RTKN2: variants seen among roughly 807,000 people sequenced by gnomAD.
RTKN2 encodes the protein rhotekin 2.
RTKN2 carries 69 observed loss-of-function variants against 71.5 expected under a neutral mutation model. The observed-to-expected ratio is 0.96, with a 90% CI of 0.79 to 1.18. The LOEUF is 1.18. Ranked by LOEUF, RTKN2 falls within the 50% of genes most tolerant of loss-of-function variation. The pLI, the probability that RTKN2 is intolerant of heterozygous loss-of-function variation, is 0.00. For missense variants in RTKN2, 724 were observed against 719.7 expected (o/e 1.01, Z -0.07); for synonymous variants, 236 against 236.5 (o/e 1.00, Z 0.02).
chr10:62,207,399 C>G (rs1321907890), intron 9 of RTKN2, among the ~76,000 whole-genome samples: 1 of 152,056 alleles, frequency 6.6e-6, no homozygotes, highest in Non-Finnish European at 1.5e-5. Flanking sequence ...TATATGTTAT[C>G]ATCCAAAATA....
chr10:62,207,619 T>G (rs1196841818), intron 9 of RTKN2, among the ~76,000 whole-genome samples: 2 of 152,090 alleles, frequency 1.3e-5, no homozygotes, highest in Admixed American at 1.3e-4. Flanking sequence ...TATGGGCTTA[T>G]GTGTTTATAT....
In RTKN2 at chr10:62,216,694, A is replaced by G. The variant is rs992791471; in HGVS notation, c.1020+424T>C. The stretch of plus-strand genomic sequence containing the variant: ...CTTTTCTGTTCTGTCAGAAGACTGG[A>G]CAATTGCCTATCAATCCCATAAGAA... On this transcript the variant is annotated intron_variant, in intron 9 of 11. Coordinates refer to ENST00000373789, the MANE Select transcript of RTKN2 (RefSeq NM_145307.4). Among the ~76,000 whole-genome samples the G allele has an allele frequency of 5.9e-5, 9 of 152,234 alleles. No individual in the cohort carries two copies. The East Asian group carries it at 1.5e-3, about 26-fold the overall frequency.
In RTKN2 at chr10:62,195,053, A is replaced by G. The variant is rs61850824; in HGVS notation, c.*2855T>C. On this transcript the variant is annotated 3_prime_UTR_variant, in exon 12 of 12. Transcript: ENST00000373789. ...AAAATGCCTTCTTTGCCCTTGCAAG[A>G]TATTAAAATACAAAAGTTACCACTT... The G allele has an allele frequency of 2.0e-6, 2 of 983,114 alleles. No individual in the cohort carries two copies. The highest frequency in any genetic ancestry group is 2.4e-6 in the Non-Finnish European group (2 of 827,996). 60.9% of individuals were successfully genotyped at this position (983,114 alleles called of 1,614,324 possible). A position where few individuals can be genotyped will look rare whatever the true frequency, so the allele number is the denominator to read the frequency against.
chr10:62,250,164 T>C (rs1842552686), intron 2 of RTKN2, among the ~76,000 whole-genome samples: 1 of 152,156 alleles, frequency 6.6e-6, no homozygotes, highest in Non-Finnish European at 1.5e-5. Flanking sequence ...ACAAGCAATA[T>C]CAACTTGGGA....
intron 9 of RTKN2, among the ~76,000 whole-genome samples, 159 bp from the exon 10 acceptor site, chr10:62,205,181 T>A (rs1284628992): frequency 1.3e-5 from 2 of 152,210 alleles, no homozygotes; most frequent in African/African-American, 4.8e-5. Flanking sequence ...GAATTTTTTA[T>A]ATTCAAACTC....
In RTKN2 at chr10:62,218,231, C is replaced by T. The variant is rs1308855603; in HGVS notation, c.852G>A (p.Met284Ile). Reference protein sequence around the residue: ...CCRLVAQPACMAEDAFAGFLN... With the variant: ...CCRLVAQPACIAEDAFAGFLN... ...GAAATCCTGCAAATGCATCCTCAGC[C>T]ATACAAGCTGGCTGGGCAACTAGTC... Residue 284 changes from methionine (M) to isoleucine (I), a missense_variant, in exon 8 of 12, where the codon ATG becomes ATA. Coordinates refer to ENST00000373789, the MANE Select transcript of RTKN2 (RefSeq NM_145307.4). 7 of 1,613,264 alleles carry T rather than the reference C, an allele frequency of 4.3e-6. No individual in the cohort carries two copies. In the South Asian group the frequency reaches 5.5e-5, roughly 13 times the overall value.
chr10:62,231,396 T>C (rs1380391179), intron 6 of RTKN2, among the ~76,000 whole-genome samples: 2 of 152,202 alleles, frequency 1.3e-5, no homozygotes, highest in East Asian at 1.9e-4. Context: ...GGGAGCTTAC[T>C]AAAAATTACC....
intron 9 of RTKN2, among the ~76,000 whole-genome samples, chr10:62,207,208 A>G (rs1841566005): frequency 1.3e-5 from 2 of 152,054 alleles, no homozygotes; most frequent in Non-Finnish European, 2.9e-5. Context: ...ATATGAAACC[A>G]CTACATAGAA....
At chr10:62,268,215 G>A (rs1589393101) in intron 1 of RTKN2, among the ~76,000 whole-genome samples, 1 of 152,182 alleles carries the variant, frequency 6.6e-6, no homozygotes, top group Non-Finnish European at 1.5e-5. Flanking sequence ...GGGAATCGAG[G>A]GGCTCCCATT....
intron 1 of RTKN2, among the ~76,000 whole-genome samples, 153 bp from the exon 2 acceptor site, chr10:62,262,974 C>T (rs1222170891): frequency 6.6e-6 from 1 of 152,140 alleles, no homozygotes; most frequent in Non-Finnish European, 1.5e-5. Context: ...TTTTAAAATG[C>T]TCTTTGCAAT....
chr10:62,197,692 T>A lies in RTKN2; in HGVS notation c.*216A>T, dbSNP rs1354830361. 7.3e-7 allele frequency: 1 copy of A among 1,367,390 alleles called. No homozygotes were observed. The highest frequency in any genetic ancestry group is 9.4e-7 in the Non-Finnish European group (1 of 1,065,696). The allele number at this position is 1,367,390 out of a possible 1,614,324, so 84.7% of individuals were successfully genotyped here. On this transcript the variant is annotated 3_prime_UTR_variant, in exon 12 of 12. Transcript: ENST00000373789. ...TAGGATATTGTCTAGAAACTGCCTC[T>A]TGCACACTGCTGGAGAAATCACTTA...
At chr10:62,205,179 T>G (rs945027633) in intron 9 of RTKN2, among the ~76,000 whole-genome samples, 157 bp from the exon 10 acceptor site, 1 of 152,198 alleles carries the variant, frequency 6.6e-6, no homozygotes, top group South Asian at 2.1e-4. Context: ...GAGAATTTTT[T>G]ATATTCAAAC....
intron 6 of RTKN2, among the ~76,000 whole-genome samples, chr10:62,225,707 C>T (rs1352814904): frequency 6.6e-6 from 1 of 151,888 alleles, no homozygotes; most frequent in East Asian, 1.9e-4. Flanking sequence ...TAGAATTTCT[C>T]GTGATGAATT....
At position 62,195,398 on chromosome 10, in the gene RTKN2, C is replaced by T. The variant is rs555460925; in HGVS notation, c.*2510G>A. On this transcript the variant is annotated 3_prime_UTR_variant, in exon 12 of 12. Transcript: ENST00000373789. ...ACTTCTGGTTTAAGAAATGAGAAAA[C>T]AAACAATTCTTTTGAAACACTCTTT... 1.4e-4 allele frequency: 137 copies of T among 982,642 alleles called. No individual in the cohort carries two copies. The South Asian group carries it at 4.9e-3, about 35-fold the overall frequency. The allele number at this position is 982,642 out of a possible 1,614,324, so 60.9% of individuals were successfully genotyped here. A position where few individuals can be genotyped will look rare whatever the true frequency, so the allele number is the denominator to read the frequency against.
chr10:62,207,943 T>C (rs1841580481), intron 9 of RTKN2, among the ~76,000 whole-genome samples: 1 of 152,158 alleles, frequency 6.6e-6, no homozygotes, highest in Non-Finnish European at 1.5e-5. Context: ...TAGGAGGTTT[T>C]ATAGTCAACT....
intron 6 of RTKN2, among the ~76,000 whole-genome samples, chr10:62,232,144 G>A (rs555554462): frequency 7.2e-5 from 11 of 152,168 alleles, no homozygotes; most frequent in African/African-American, 1.2e-4. Flanking sequence ...AAGAAAATTC[G>A]TGTTTGAACT....
intron 2 of RTKN2, among the ~76,000 whole-genome samples, chr10:62,252,383 C>T (rs1183692835): frequency 1.3e-5 from 2 of 151,938 alleles, no homozygotes; most frequent in Non-Finnish European, 2.9e-5. Flanking sequence ...TAAAGAAAAA[C>T]ACCTTAAACA....
intron 10 of RTKN2, among the ~76,000 whole-genome samples, chr10:62,203,087 G>C (rs1421073284): frequency 1.3e-5 from 2 of 152,144 alleles, no homozygotes; most frequent in East Asian, 3.9e-4. Context: ...TTGAACCCGG[G>C]AGGCAGAGGT....
In RTKN2 at chr10:62,217,252, G is replaced by T; in HGVS notation, c.889-3C>A. 7.0e-6 allele frequency: 9 copies of T among 1,287,176 alleles called. No individual in the cohort carries two copies. Among genetic ancestry groups the T allele is most frequent in the African/African-American group, 1.6e-5 (1 of 62,882 alleles). 79.7% of individuals were successfully genotyped at this position (1,287,176 alleles called of 1,614,324 possible). A position where few individuals can be genotyped will look rare whatever the true frequency, so the allele number is the denominator to read the frequency against. ...CTAATCAGACCTTCTACCATTTGCT[G>T]AAAAAAAAAAAAAAAAAATCAAGAG... On this transcript the variant is annotated splice_polypyrimidine_tract_variant and splice_region_variant and intron_variant, in intron 8 of 11. Transcript: ENST00000373789.
Sources: gnomAD v4.1 joint callset for allele counts (sites outside exome capture counted in the v4.1 genomes callset) on GRCh38, gnomAD v4.1.1 for gene constraint, MANE v1.5 for transcripts, NCBI Gene and HGNC (gene_info 2026-07-23, HGNC 2026-07-21) for gene names.